The following ERI2 variants were observed in gnomAD, a reference collection of about 807,000 sequenced individuals.
The protein encoded by ERI2 is ERI1 exoribonuclease 2.
A neutral mutation model predicts 46.8 loss-of-function variants in ERI2; 35 were observed. The ratio of observed to expected loss-of-function variants is 0.75; its 90% CI spans 0.57 to 0.99. The LOEUF is 0.99. ERI2 is among the 50% of genes least tolerant of loss of function. The pLI is 0.00. For missense variants in ERI2, 695 were observed against 796.2 expected (o/e 0.87, Z 1.53); for synonymous variants, 224 against 271.0 (o/e 0.83, Z 1.70).
In ERI2 at chr16:20,797,901, A is replaced by T; in HGVS notation, c.1899T>A (p.Cys633Ter). Residue 633 changes from cysteine (C) to a stop codon, truncating the protein, a stop_gained, in exon 9 of 9, where the codon TGT becomes TGA. Coordinates refer to ENST00000357967, the MANE Select transcript of ERI2 (RefSeq NM_001142725.2). LOFTEE classifies it high-confidence loss of function. ...TTTGTTCCCATTTGAAATAACCACA[A>T]CATTTTCTGTTTTCTTGGTATTTCC... ...PIGKYQENRK[C>*]CGYFKWEQTL... The T allele has an allele frequency of 6.4e-7, 1 of 1,551,706 alleles. No individual in the cohort carries two copies. Among genetic ancestry groups the T allele is most frequent in the Non-Finnish European group, 8.7e-7 (1 of 1,146,932 alleles).
chr16:20,792,170 G>T, downstream of ERI2: 1 of 1,613,980 alleles, frequency 6.2e-7, no homozygotes, highest in South Asian at 1.1e-5. Context: ...TGTGTTAACT[G>T]ATCATCAGTG....
chr16:20,785,958 T>A (rs1392614106), intron 10 of ERI2: 12 of 605,288 alleles, frequency 2.0e-5, no homozygotes, highest in Non-Finnish European at 2.8e-5. Flanking sequence ...AGTATAGCAT[T>A]CATTTTGAGC....
At chr16:20,791,928 A>G (rs1009715241), downstream of ERI2, 87 of 299,990 alleles carry the variant, frequency 2.9e-4, no homozygotes, top group Middle Eastern at 3.7e-3. Context: ...ACTGTCTCGG[A>G]AAAAAAAAAA....
Position 20,796,592 on chromosome 16 carries a change from C to G in ERI2, c.*1132G>C. 1 of 1,565,306 alleles carries G rather than the reference C, an allele frequency of 6.4e-7. No homozygotes were observed. Among genetic ancestry groups the G allele is most frequent in the Non-Finnish European group, 8.6e-7 (1 of 1,164,284 alleles). On this transcript the variant is annotated 3_prime_UTR_variant, in exon 9 of 9. Transcript: ENST00000357967. Reference sequence around the variant, plus strand: ...TATTTTCTTCACACATGCTGCACCACATGTCCCAAACTGAACTGATGACAT... The same window carrying G: ...TATTTTCTTCACACATGCTGCACCAGATGTCCCAAACTGAACTGATGACAT...
At chr16:20,795,816 G>A (rs1425386204), downstream of ERI2, among the ~76,000 whole-genome samples, 2 of 152,230 alleles carry the variant, frequency 1.3e-5, no homozygotes, top group African/African-American at 4.8e-5. Flanking sequence ...GGCTATGAGG[G>A]ATGGCCTATC....
chr16:20,782,067 G>A (rs1432527020), intron 10 of ERI2, among the ~76,000 whole-genome samples: 1 of 152,116 alleles, frequency 6.6e-6, no homozygotes, highest in Non-Finnish European at 1.5e-5. Flanking sequence ...TTTGGATGAT[G>A]GCTTTCTCTG....
chr16:20,806,309 G>A lies in ERI2; in HGVS notation c.23+99C>T, dbSNP rs2080871385. On this transcript the variant is annotated intron_variant, in intron 1 of 8. Coordinates refer to ENST00000357967, the MANE Select transcript of ERI2 (RefSeq NM_001142725.2). ...GACGCCGGGGCTGCGGGGAATAGAG[G>A]CCCTCACCGCAGATGCCACCTGCCG... The A allele has an allele frequency of 7.3e-6, 11 of 1,506,996 alleles. No homozygotes were observed. The South Asian group carries it at 8.7e-5, about 12-fold the overall frequency. 93.4% of individuals were successfully genotyped at this position (1,506,996 alleles called of 1,614,324 possible).
In ERI2 at chr16:20,785,047, T is replaced by C. The variant is rs201962964; in HGVS notation, c.895-4313A>G. 1.5e-5 allele frequency: 25 copies of C among 1,613,696 alleles called. No individual in the cohort carries two copies. The East Asian group carries it at 5.1e-4, about 33-fold the overall frequency. On this transcript the variant is annotated intron_variant, in intron 10 of 10. Coordinates refer to the ERI2 transcript ENST00000300005. ...GGGAACCAATTACCCCTGACGTGAC[T>C]GAAAAATGGAGAAACAAGACGGGCC... is the stretch of plus-strand genomic sequence containing the variant.
At chr16:20,780,659 T>C (rs140807467) in exon 11 of ERI2, 65 of 1,614,050 alleles carry the variant, frequency 4.0e-5, no homozygotes, top group African/African-American at 8.0e-5. Flanking sequence ...TTTTCAGTGG[T>C]AACAGTCTGT....
chr16:20,783,328 A>G (rs913684854), intron 10 of ERI2: 5 of 152,242 alleles, frequency 3.3e-5, no homozygotes, highest in Non-Finnish European at 5.9e-5. Context: ...AAGACTCAGT[A>G]CAGGTTGAGT....
chr16:20,806,374 C>A, intron 1 of ERI2, 34 bp downstream of exon 1: 1 of 1,548,792 alleles, frequency 6.5e-7, no homozygotes, highest in Non-Finnish European at 8.7e-7. Flanking sequence ...GGACCCGGAG[C>A]TACCCGCCCC....
Position 20,797,583 on chromosome 16 carries a change from T to A in ERI2, c.*141A>T. ...CTAATAAATACTGTTTACAAAAGAT[T>A]ACACTTGTGGTTCCTGAAGAAAGTA... On this transcript the variant is annotated 3_prime_UTR_variant, in exon 9 of 9. Coordinates refer to ENST00000357967, the MANE Select transcript of ERI2 (RefSeq NM_001142725.2). 1.5e-6 allele frequency: 2 copies of A among 1,304,918 alleles called. No homozygotes were observed. Among genetic ancestry groups the A allele is most frequent in the Non-Finnish European group, 1.9e-6 (2 of 1,029,016 alleles). The allele number at this position is 1,304,918 out of a possible 1,614,324, so 80.8% of individuals were successfully genotyped here.
Position 20,790,493 on chromosome 16 carries a change from A to C in ERI2, c.815+357T>G. ...ATTTTTTTTAAGTCTTCATTTTTAA[A>C]TGGCAAAAGCCAAAATAAAACTTGC... On this transcript the variant is annotated intron_variant, in intron 9 of 10. Coordinates refer to the ERI2 transcript ENST00000300005. The surrounding 1 kb of genome is among the most constrained non-coding windows in gnomAD (Gnocchi z 4.0). 7.7e-7 allele frequency: 1 copy of C among 1,298,658 alleles called. No individual in the cohort carries two copies. The highest frequency in any genetic ancestry group is 1.1e-6 in the Non-Finnish European group (1 of 930,652). The allele number at this position is 1,298,658 out of a possible 1,614,324, so 80.4% of individuals were successfully genotyped here.
chr16:20,780,888 G>A lies in ERI2; in HGVS notation c.895-154C>T, dbSNP rs1298136238. The A allele has an allele frequency of 3.1e-6, 5 of 1,613,634 alleles. No homozygotes were observed. The Admixed American group carries it at 5.0e-5, about 16-fold the overall frequency. On this transcript the variant is annotated intron_variant, in intron 10 of 10. Transcript: ENST00000300005. ...CTTTCACAAAAGTGCAGCTTGAAGT[G>A]TCAAAACTGCAAAGATGATGACTTA... is the stretch of plus-strand genomic sequence containing the variant.
Position 20,796,488 on chromosome 16 carries a change from A to G in ERI2, c.*1236T>C. ...ACAGCACCTTACAAATATCCCAGAA[A>G]GGTAGGCATCCTAATTATAACGAAT... On this transcript the variant is annotated 3_prime_UTR_variant, in exon 9 of 9. Coordinates refer to ENST00000357967, the MANE Select transcript of ERI2 (RefSeq NM_001142725.2). 6.2e-7 allele frequency: 1 copy of G among 1,611,596 alleles called. No individual in the cohort carries two copies. The highest frequency in any genetic ancestry group is 8.5e-7 in the Non-Finnish European group (1 of 1,179,482).
Position 20,796,416 on chromosome 16 carries a change from A to G in ERI2, c.*1308T>C. The G allele has an allele frequency of 1.9e-6, 3 of 1,613,934 alleles. No homozygotes were observed. Among genetic ancestry groups the G allele is most frequent in the Non-Finnish European group, 2.5e-6 (3 of 1,179,942 alleles). On this transcript the variant is annotated 3_prime_UTR_variant, in exon 9 of 9. Transcript: ENST00000357967. ...CTAAATCCTGATTACAAGTCACATG[A>G]TCAAGAACAACTAATAAAGGAGATT...
chr16:20,782,121 C>T (rs932019579), intron 10 of ERI2, among the ~76,000 whole-genome samples: 3 of 152,110 alleles, frequency 2.0e-5, no homozygotes, highest in Non-Finnish European at 4.4e-5. Context: ...AACCTTATCC[C>T]AGCAGATAGA....
chr16:20,785,817 C>T (rs1386778166), intron 10 of ERI2, among the ~76,000 whole-genome samples: 4 of 151,864 alleles, frequency 2.6e-5, no homozygotes, highest in African/African-American at 4.8e-5. Flanking sequence ...AATAGCATAA[C>T]AAGTATGCTA....
chr16:20,788,108 A>T lies in ERI2; in HGVS notation c.894+1371T>A, dbSNP rs562932415. On this transcript the variant is annotated intron_variant, in intron 10 of 10. Transcript: ENST00000300005. ...CATTCCTCTTTTTATTTATTTATTTATTTTTTTATTTTTTCACATTCCTCT... is the reference window on the plus strand; with the variant it reads ...CATTCCTCTTTTTATTTATTTATTTTTTTTTTTATTTTTTCACATTCCTCT... Among the ~76,000 whole-genome samples, 175 of 152,004 alleles carry T rather than the reference A, an allele frequency of 1.2e-3. 4 individuals are homozygous for T. In the South Asian group the frequency reaches 0.028, roughly 25 times the overall value.
Sources: allele counts gnomAD v4.1 joint callset (sites outside exome capture counted in the v4.1 genomes callset), GRCh38; gene constraint gnomAD v4.1.1; non-coding constraint Gnocchi (gnomAD v3.1); transcripts MANE v1.5; gene names NCBI Gene and HGNC (gene_info 2026-07-23, HGNC 2026-07-21).